The following LUC7L2 variants were observed in gnomAD, a reference collection of about 807,000 sequenced individuals.
The protein encoded by LUC7L2 is putative RNA-binding protein Luc7-like 2.
In LUC7L2, 25 loss-of-function variants were observed where a neutral mutation model predicts 52.8. The ratio of observed to expected loss-of-function variants is 0.47; its 90% confidence interval spans 0.34 to 0.66. LUC7L2 has a LOEUF of 0.66. LUC7L2 is among the 30% of genes least tolerant of loss of function. The pLI is 0.01. For missense variants in LUC7L2, 328 were observed against 497.8 expected (o/e 0.66, Z 3.25); for synonymous variants, 144 against 160.9 (o/e 0.89, Z 0.80).
intron 1 of LUC7L2, among the ~76,000 whole-genome samples, chr7:139,345,171 A>G (rs1241334375): frequency 6.6e-6 from 1 of 152,116 alleles, no homozygotes; most frequent in Non-Finnish European, 1.5e-5. Flanking sequence ...TAATTTCCAT[A>G]TCTACCATTA....
chr7:139,365,683 A>G (rs1013131766), intron 1 of LUC7L2, among the ~76,000 whole-genome samples: 4 of 152,204 alleles, frequency 2.6e-5, no homozygotes, highest in Non-Finnish European at 4.4e-5. Flanking sequence ...CTCCCCAAAG[A>G]TGGAATTCCA....
intron 7 of LUC7L2, among the ~76,000 whole-genome samples, chr7:139,412,227 AAAAAC>A (rs1005322048): frequency 1.3e-5 from 2 of 150,380 alleles, no homozygotes; most frequent in African/African-American, 5.0e-5. Context: ...TAAAAAAAAA[AAAAAC>A]AAAAACAAAA....
At chr7:139,411,341 A>G (rs1795352007) in intron 7 of LUC7L2, among the ~76,000 whole-genome samples, 1 of 152,246 alleles carries the variant, frequency 6.6e-6, no homozygotes, top group African/African-American at 2.4e-5. Context: ...AAATTATATA[A>G]GATGGGATAA....
intron 9 of LUC7L2, 71 bp from the exon 10 acceptor site, chr7:139,422,089 ATAT>A: frequency 2.6e-6 from 4 of 1,512,536 alleles, no homozygotes; most frequent in Non-Finnish European, 3.5e-6. Context: ...CAAGAGCTTA[ATAT>A]TTATCCTATT....
chr7:139,410,555 G>GC (rs1795317199), intron 7 of LUC7L2, among the ~76,000 whole-genome samples: 1 of 149,628 alleles, frequency 6.7e-6, no homozygotes, highest in African/African-American at 2.5e-5. Flanking sequence ...AAATCACATA[G>GC]CATCATGGTG....
intron 1 of LUC7L2, among the ~76,000 whole-genome samples, chr7:139,343,607 G>T (rs1438434501): frequency 6.6e-6 from 1 of 152,106 alleles, no homozygotes; most frequent in Non-Finnish European, 1.5e-5. Flanking sequence ...ACACATTCTA[G>T]TTTTCAGATT....
At chr7:139,405,544 G>T in intron 4 of LUC7L2, 100 bp from the exon 5 acceptor site, 1 of 1,393,010 alleles carries the variant, frequency 7.2e-7, no homozygotes, top group Non-Finnish European at 9.5e-7. Flanking sequence ...ACCACATACT[G>T]CCTTAGATAA....
intron 1 of LUC7L2, chr7:139,363,071 G>GT (rs1173486811): frequency 3.0e-5 from 6 of 201,396 alleles, no homozygotes; most frequent in Non-Finnish European, 5.3e-5. Flanking sequence ...CAGCATGATG[G>GT]TGCCGGGAGG....
At chr7:139,341,045 C>G (rs186975421) in intron 1 of LUC7L2, 237 of 231,412 alleles carry the variant, frequency 1.0e-3, no homozygotes, top group Non-Finnish European at 1.6e-3. Flanking sequence ...CCCACACCCC[C>G]CGCCGGGCCC....
intron 1 of LUC7L2, among the ~76,000 whole-genome samples, chr7:139,340,777 G>A (rs933545948): frequency 6.6e-6 from 1 of 151,796 alleles, no homozygotes; most frequent in African/African-American, 2.4e-5. Flanking sequence ...GGGGTGGCCT[G>A]TGACTTTTGT....
intron 1 of LUC7L2, among the ~76,000 whole-genome samples, chr7:139,348,137 A>G (rs897973782): frequency 6.6e-6 from 1 of 151,836 alleles, no homozygotes; most frequent in Non-Finnish European, 1.5e-5. Context: ...TTGTTACCAT[A>G]TTGAATATAT....
At chr7:139,347,583 G>A (rs578114910) in intron 1 of LUC7L2, among the ~76,000 whole-genome samples, 55 of 146,776 alleles carry the variant, frequency 3.7e-4, no homozygotes, top group African/African-American at 1.1e-3. Flanking sequence ...GTGAAACTCC[G>A]TCTCAAAAAA....
At chr7:139,388,992 A>G (rs1794316565) in intron 2 of LUC7L2, among the ~76,000 whole-genome samples, 2 of 151,108 alleles carry the variant, frequency 1.3e-5, no homozygotes, top group Admixed American at 6.6e-5. Context: ...TGATTTCCAT[A>G]TTTGTAAGAA....
intron 4 of LUC7L2, among the ~76,000 whole-genome samples, chr7:139,403,363 G>C (rs1438571707): frequency 6.6e-6 from 1 of 152,124 alleles, no homozygotes; most frequent in Non-Finnish European, 1.5e-5. Context: ...CATTCAGTAT[G>C]ATCAAGTGTG....
chr7:139,406,027 T>G (rs1408107965), intron 5 of LUC7L2, among the ~76,000 whole-genome samples: 2 of 152,150 alleles, frequency 1.3e-5, no homozygotes, highest in East Asian at 1.9e-4. Flanking sequence ...GGTGGATCGC[T>G]TGAGTCCAGT....
intron 2 of LUC7L2, among the ~76,000 whole-genome samples, chr7:139,389,231 TTG>T (rs1321960983): frequency 6.6e-6 from 1 of 152,146 alleles, no homozygotes; most frequent in African/African-American, 2.4e-5. Context: ...ATGGATTTTA[TTG>T]TGTCGTATTT....
At chr7:139,375,880 T>G (rs1800680240) in intron 1 of LUC7L2, 182 bp from the exon 2 acceptor site, 1 of 591,966 alleles carries the variant, frequency 1.7e-6, no homozygotes. Flanking sequence ...GCAGTACACT[T>G]ACTGCAACTG....
At chr7:139,375,591 A>G (rs1477733875) in intron 1 of LUC7L2, 3 of 986,008 alleles carry the variant, frequency 3.0e-6, no homozygotes, top group African/African-American at 1.7e-5. Context: ...TGTGTATGCA[A>G]TGTTTGCAAG....
intron 5 of LUC7L2, among the ~76,000 whole-genome samples, chr7:139,406,842 C>T (rs968574948): frequency 6.6e-6 from 1 of 151,746 alleles, no homozygotes; most frequent in Non-Finnish European, 1.5e-5. Context: ...TTCAAAGAAC[C>T]AGTCTTCTGA....
Sources: allele counts gnomAD v4.1 joint callset (sites outside exome capture counted in the v4.1 genomes callset), GRCh38; gene constraint gnomAD v4.1.1; transcripts MANE v1.5; gene names NCBI Gene and HGNC (gene_info 2026-07-23, HGNC 2026-07-21).